The following KLHL1 variants were observed in gnomAD, a reference collection of about 807,000 sequenced individuals.
KLHL1 encodes the protein kelch like family member 1.
A neutral mutation model predicts 77.7 loss-of-function variants in KLHL1; 47 were observed. That is an observed-to-expected ratio of 0.60 (90% CI 0.48 to 0.77). KLHL1 has a LOEUF of 0.77. KLHL1 is among the 30% of genes least tolerant of loss of function. The pLI, the probability that KLHL1 is intolerant of heterozygous loss-of-function variation, is 0.00. For synonymous variants in KLHL1, 360 were observed against 325.2 expected (o/e 1.11, Z -1.15); for missense variants, 925 against 910.8 (o/e 1.02, Z -0.20).
Position 69,980,950 on chromosome 13 carries a change from T to C in KLHL1, c.498-5148A>G, listed in dbSNP as rs550791474. ...CAGTTTGTTATGTGTTTTTGTTTAC[T>C]TTTGGTTTTAGTTTCCATACACCAC... On this transcript the variant is annotated intron_variant, in intron 1 of 10. Coordinates refer to ENST00000377844, the MANE Select transcript of KLHL1 (RefSeq NM_020866.3). 3.3e-5 allele frequency among the ~76,000 whole-genome samples: 5 copies of C among 152,340 alleles called. No individual in the cohort carries two copies. In the South Asian group the frequency reaches 6.2e-4, roughly 19 times the overall value.
intron 1 of KLHL1, among the ~76,000 whole-genome samples, chr13:70,039,297 T>C (rs1235941502): frequency 2.0e-5 from 3 of 152,102 alleles, no homozygotes; most frequent in Non-Finnish European, 4.4e-5. Flanking sequence ...TTGCCCAGAC[T>C]GGTCTCAAAC....
chr13:69,735,323 G>A (rs1873718459), intron 8 of KLHL1, among the ~76,000 whole-genome samples: 1 of 151,104 alleles, frequency 6.6e-6, no homozygotes, highest in Non-Finnish European at 1.5e-5. Flanking sequence ...GGTAGATAAG[G>A]ACACCTGATA....
intron 1 of KLHL1, among the ~76,000 whole-genome samples, chr13:69,999,855 A>T (rs1885244350): frequency 6.6e-6 from 1 of 152,112 alleles, no homozygotes; most frequent in South Asian, 2.1e-4. Flanking sequence ...CTGACCAGAC[A>T]TGAAATTTAC....
chr13:69,949,858 T>C (rs1290110022), intron 3 of KLHL1, among the ~76,000 whole-genome samples: 1 of 151,774 alleles, frequency 6.6e-6, no homozygotes, highest in Non-Finnish European at 1.5e-5. Context: ...TACTGCAATT[T>C]AGAATTTTGC....
At chr13:69,945,503 A>G (rs1883497816) in intron 3 of KLHL1, among the ~76,000 whole-genome samples, 1 of 151,882 alleles carries the variant, frequency 6.6e-6, no homozygotes, top group Non-Finnish European at 1.5e-5. Context: ...TTAAAGGAAT[A>G]AAAAGATGAA....
chr13:69,712,749 G>T (rs1424310), intron 9 of KLHL1, among the ~76,000 whole-genome samples: 93 of 139,854 alleles, frequency 6.6e-4, no homozygotes, highest in South Asian at 2.0e-3. Flanking sequence ...TATAAATTTT[G>T]TTTGTTTTTT....
At chr13:69,841,307 C>G (rs1447175713) in intron 5 of KLHL1, among the ~76,000 whole-genome samples, 1 of 151,452 alleles carries the variant, frequency 6.6e-6, no homozygotes. Context: ...AGTCTTATAT[C>G]TAGAAAAACC....
intron 1 of KLHL1, among the ~76,000 whole-genome samples, chr13:70,102,647 C>T (rs985167520): frequency 6.6e-6 from 1 of 152,002 alleles, no homozygotes; most frequent in African/African-American, 2.4e-5. Flanking sequence ...GGGTTAAAGT[C>T]CAGCCTTATT....
chr13:69,881,505 G>A (rs1337383815), intron 5 of KLHL1, among the ~76,000 whole-genome samples: 1 of 151,944 alleles, frequency 6.6e-6, no homozygotes, highest in African/African-American at 2.4e-5. Flanking sequence ...TAGAAGTTAG[G>A]GTCACCTTCA....
At chr13:69,944,943 A>C (rs1359512910) in intron 3 of KLHL1, among the ~76,000 whole-genome samples, 1 of 151,178 alleles carries the variant, frequency 6.6e-6, no homozygotes, top group Non-Finnish European at 1.5e-5. Context: ...AAAATGGATC[A>C]CGAAGCTAAA....
chr13:69,870,405 C>T (rs930442880), intron 5 of KLHL1, among the ~76,000 whole-genome samples: 2 of 152,070 alleles, frequency 1.3e-5, no homozygotes, highest in East Asian at 3.9e-4. Context: ...CCCATTAGGC[C>T]TCAAGTCCAA....
In KLHL1 at chr13:70,108,036, G is replaced by T; in HGVS notation, c.-337C>A. On this transcript the variant is annotated 5_prime_UTR_variant, in exon 1 of 11. Transcript: ENST00000377844. ...TATGGCGAGGTGGGACAACCCTTAG[G>T]CTGGAGATGCGCGAGGGAGGGAGGT... 1 of 429,554 alleles carries T rather than the reference G, an allele frequency of 2.3e-6. No individual in the cohort carries two copies. The allele number at this position is 429,554 out of a possible 1,614,324, so 26.6% of individuals were successfully genotyped here. A position where few individuals can be genotyped will look rare whatever the true frequency, so the allele number is the denominator to read the frequency against.
chr13:69,915,189 T>C (rs1393151670), intron 4 of KLHL1, among the ~76,000 whole-genome samples: 2 of 152,198 alleles, frequency 1.3e-5, no homozygotes, highest in African/African-American at 4.8e-5. Context: ...ATAGATTCAA[T>C]GCCATCCCCA....
chr13:69,847,274 C>A (rs1879501151), intron 5 of KLHL1, among the ~76,000 whole-genome samples: 2 of 151,254 alleles, frequency 1.3e-5, no homozygotes, highest in South Asian at 2.1e-4. Flanking sequence ...ACTTGTATTA[C>A]AGACAACCTT....
At chr13:69,884,481 G>A (rs1448994577) in intron 4 of KLHL1, among the ~76,000 whole-genome samples, 3 of 147,626 alleles carry the variant, frequency 2.0e-5, no homozygotes, top group Non-Finnish European at 4.5e-5. Context: ...AGGAATCTTT[G>A]AAAGATTTGT....
intron 2 of KLHL1, among the ~76,000 whole-genome samples, chr13:69,962,939 C>T (rs1433214861): frequency 6.6e-6 from 1 of 152,124 alleles, no homozygotes; most frequent in Non-Finnish European, 1.5e-5. Context: ...AATATCATTT[C>T]CATTATTTAC....
chr13:69,901,810 T>C (rs1881875508), intron 4 of KLHL1, among the ~76,000 whole-genome samples: 1 of 126,298 alleles, frequency 7.9e-6, no homozygotes, highest in African/African-American at 2.8e-5. Context: ...TTTTTTTTTT[T>C]TTCTGAGACG....
intron 4 of KLHL1, among the ~76,000 whole-genome samples, chr13:69,889,071 G>T (rs534104491): frequency 6.7e-6 from 1 of 149,548 alleles, no homozygotes; most frequent in African/African-American, 2.5e-5. Flanking sequence ...ATTTTCTATT[G>T]CTTTTTAGAA....
At chr13:69,855,833 T>C (rs978744245) in intron 5 of KLHL1, among the ~76,000 whole-genome samples, 1 of 141,880 alleles carries the variant, frequency 7.0e-6, no homozygotes, top group Non-Finnish European at 1.5e-5. Flanking sequence ...GAAAATATTA[T>C]ATATACGGTA....
Sources: gnomAD v4.1 joint callset for allele counts (sites outside exome capture counted in the v4.1 genomes callset) on GRCh38, gnomAD v4.1.1 for gene constraint, MANE v1.5 for transcripts, NCBI Gene and HGNC (gene_info 2026-07-23, HGNC 2026-07-21) for gene names.